Variants in OSBPL9 observed in about 807,000 individuals in gnomAD.
OSBPL9 encodes oxysterol-binding protein-related protein 9.
A neutral mutation model predicts 106.6 loss-of-function variants in OSBPL9; 40 were observed. The ratio of observed to expected loss-of-function variants is 0.38; its 90% CI spans 0.29 to 0.49. OSBPL9 has a LOEUF of 0.49. Ranked by LOEUF, OSBPL9 falls within the 20% of genes least tolerant of loss-of-function variation. The pLI is 0.97. For missense variants in OSBPL9, 609 were observed against 887.2 expected, an observed-to-expected ratio of 0.69 and a Z score of 3.98; for synonymous variants, 269 against 295.4, an observed-to-expected ratio of 0.91 and a Z score of 0.92.
chr1:51,687,539 A>G (rs1229891334), intron 3 of OSBPL9, among the ~76,000 whole-genome samples: 1 of 152,220 alleles, frequency 6.6e-6, no homozygotes, highest in African/African-American at 2.4e-5. Context: ...AGGATGAAAT[A>G]GAGGTGGAGA....
intron 21 of OSBPL9, 193 bp downstream of exon 21, chr1:51,786,079 C>T (rs1677555034): frequency 3.4e-6 from 2 of 580,858 alleles, no homozygotes; most frequent in Non-Finnish European, 6.0e-6. Flanking sequence ...CCCACCTTCT[C>T]CCAGCAGTAT....
chr1:51,757,325 T>C (rs1251007093), intron 9 of OSBPL9, among the ~76,000 whole-genome samples: 1 of 152,114 alleles, frequency 6.6e-6, no homozygotes, highest in African/African-American at 2.4e-5. Flanking sequence ...TCCATGGTGA[T>C]ATAATACAAT....
chr1:51,570,266 G>A, the OSBPL9 span, among the ~76,000 whole-genome samples: 1 of 152,166 alleles, frequency 6.6e-6, no homozygotes, highest in Non-Finnish European at 1.5e-5. Flanking sequence ...CGTTACCAAT[G>A]TGTTTCATTC....
At chr1:51,686,246 G>T (rs1481853137) in intron 3 of OSBPL9, among the ~76,000 whole-genome samples, 1 of 152,154 alleles carries the variant, frequency 6.6e-6, no homozygotes, top group East Asian at 1.9e-4. Context: ...TTAAAAAGTA[G>T]GTATTTTTAT....
At position 51,624,896 on chromosome 1, in the gene OSBPL9, A is replaced by C. The variant is rs373133027; in HGVS notation, c.111+7675A>C. On this transcript the variant is annotated intron_variant, in intron 1 of 23. Coordinates refer to ENST00000428468, the MANE Select transcript of OSBPL9 (RefSeq NM_024586.6). Reference sequence around the variant, plus strand: ...CCATGATGGCAGTACTGAACATCATAATAATCTTCAAGCCTGACAATGAGG... The same window carrying C: ...CCATGATGGCAGTACTGAACATCATCATAATCTTCAAGCCTGACAATGAGG... Among the ~76,000 whole-genome samples the C allele has an allele frequency of 6.0e-4, 92 of 152,362 alleles. 1 individual carries two copies. Among genetic ancestry groups the C allele is most frequent in the African/African-American group, 2.0e-3 (85 of 41,586 alleles).
chr1:51,761,694 T>C (rs1671542839), intron 10 of OSBPL9, among the ~76,000 whole-genome samples, 173 bp from the exon 11 acceptor site: 1 of 152,198 alleles, frequency 6.6e-6, no homozygotes, highest in Admixed American at 6.5e-5. Context: ...CCTATCATCA[T>C]TGAGTTTAAG....
At chr1:51,647,592 T>G (rs1294217806) in intron 1 of OSBPL9, among the ~76,000 whole-genome samples, 1 of 152,204 alleles carries the variant, frequency 6.6e-6, no homozygotes, top group Non-Finnish European at 1.5e-5. Flanking sequence ...TTTACGTCTA[T>G]TCAGATTTTC....
At chr1:51,575,724 A>C (rs1363343819), upstream of OSBPL9, among the ~76,000 whole-genome samples, 1 of 152,150 alleles carries the variant, frequency 6.6e-6, no homozygotes, top group Non-Finnish European at 1.5e-5. Context: ...CATATCGACT[A>C]TTTTGAATTA....
intron 1 of OSBPL9, among the ~76,000 whole-genome samples, chr1:51,650,235 C>G (rs11205876): frequency 1.1e-3 from 164 of 152,112 alleles, no homozygotes; most frequent in African/African-American, 3.6e-3. Context: ...ACCACTGGGA[C>G]CTGTCTTGCC....
chr1:51,563,618 C>G, the OSBPL9 span: 1 of 152,274 alleles, frequency 6.6e-6, no homozygotes, highest in East Asian at 1.9e-4. Flanking sequence ...AGAGAGACCC[C>G]CCTCACCTTA....
At chr1:51,759,506 TTC>T (rs1671053698) in intron 9 of OSBPL9, 1 of 152,166 alleles carries the variant, frequency 6.6e-6, no homozygotes, top group Non-Finnish European at 1.5e-5. Flanking sequence ...TCCCTTATAT[TTC>T]TGTTTTAGTA....
chr1:51,728,483 G>GGACTA (rs945611975), intron 4 of OSBPL9, among the ~76,000 whole-genome samples: 7 of 152,144 alleles, frequency 4.6e-5, no homozygotes, highest in Non-Finnish European at 5.9e-5. Context: ...GTGTCTAGGA[G>GGACTA]GACTACTAGG....
rs113106909 is a variant in OSBPL9 at position 51,765,725 on chromosome 1, ACT to A, written c.779-94_779-93del. 2.7e-3 allele frequency: 3,181 copies of A among 1,179,056 alleles called. 56 individuals are homozygous for A. The African/African-American group carries it at 0.045, about 17-fold the overall frequency. 73.0% of individuals were successfully genotyped at this position (1,179,056 alleles called of 1,614,324 possible). On this transcript the variant is annotated intron_variant, in intron 11 of 23. Transcript: ENST00000428468. ...TAGCGACTTTTACAAACTTAACCAA[ACT>A]CTTTTTTGATTTTAGAAAAGTCTGC...
At chr1:51,618,349 C>T (rs1431693741) in intron 1 of OSBPL9, among the ~76,000 whole-genome samples, 1 of 152,134 alleles carries the variant, frequency 6.6e-6, no homozygotes, top group Non-Finnish European at 1.5e-5. Context: ...ATCCCCTCCA[C>T]CCTCATCGCA....
intron 1 of OSBPL9, among the ~76,000 whole-genome samples, chr1:51,632,327 A>G (rs1243425070): frequency 6.6e-6 from 1 of 152,200 alleles, no homozygotes; most frequent in Non-Finnish European, 1.5e-5. Flanking sequence ...TTTCAGCTCC[A>G]TTATAATCTT....
intron 3 of OSBPL9, among the ~76,000 whole-genome samples, chr1:51,683,735 G>T (rs535483397): frequency 6.6e-6 from 1 of 152,124 alleles, no homozygotes; most frequent in South Asian, 2.1e-4. Flanking sequence ...GGAGGTTGCA[G>T]TGAGCCAAGA....
In OSBPL9 at chr1:51,716,989, C is replaced by CT. The variant is rs779540239; in HGVS notation, c.318+2921dup. The stretch of plus-strand genomic sequence containing the variant: ...CTTGACCTCATTGTATTTATATGTC[C>CT]TTTTTTTTTTTGACAGAGTCTCACT... On this transcript the variant is annotated intron_variant, in intron 4 of 23. Coordinates refer to ENST00000428468, the MANE Select transcript of OSBPL9 (RefSeq NM_024586.6). 7.5e-3 allele frequency among the ~76,000 whole-genome samples: 1,097 copies of CT among 146,718 alleles called. 7 individuals are homozygous for CT. The highest frequency in any genetic ancestry group is 0.012 in the Non-Finnish European group (818 of 66,216).
chr1:51,568,531 AT>A, the OSBPL9 span, among the ~76,000 whole-genome samples: 1 of 152,168 alleles, frequency 6.6e-6, no homozygotes, highest in Admixed American at 6.5e-5. Flanking sequence ...TTGGGAATAG[AT>A]TTAACATAAT....
At chr1:51,639,298 A>G (rs1396963581) in intron 1 of OSBPL9, among the ~76,000 whole-genome samples, 1 of 152,190 alleles carries the variant, frequency 6.6e-6, no homozygotes, top group African/African-American at 2.4e-5. Context: ...CCTGTGTGCC[A>G]GTAGTAGATG....
Sources: gnomAD v4.1 joint callset for allele counts (sites outside exome capture counted in the v4.1 genomes callset) on GRCh38, gnomAD v4.1.1 for gene constraint, MANE v1.5 for transcripts, NCBI Gene and HGNC (gene_info 2026-07-23, HGNC 2026-07-21) for gene names.